Variants in GALNT14 observed in about 807,000 individuals in gnomAD.
GALNT14 encodes the protein polypeptide N-acetylgalactosaminyltransferase 14.
A neutral mutation model predicts 77.5 loss-of-function variants in GALNT14; 60 were observed. That is an observed-to-expected ratio of 0.77 (90% CI 0.63 to 0.96). The LOEUF is 0.96. GALNT14 is among the 40% of genes least tolerant of loss of function. GALNT14 has a pLI of 0.00. For synonymous variants in GALNT14, 280 were observed against 281.7 expected (o/e 0.99, Z 0.06); for missense variants, 710 against 731.0 (o/e 0.97, Z 0.33).
chr2:31,049,438 C>T (rs1673699140), intron 1 of GALNT14, among the ~76,000 whole-genome samples: 1 of 152,236 alleles, frequency 6.6e-6, no homozygotes, highest in Non-Finnish European at 1.5e-5. Flanking sequence ...GCTCCCTGGT[C>T]ACCAGGGGAC....
At chr2:31,102,831 T>C (rs1172563867) in intron 1 of GALNT14, among the ~76,000 whole-genome samples, 1 of 152,158 alleles carries the variant, frequency 6.6e-6, no homozygotes, top group African/African-American at 2.4e-5. Context: ...GTTTTTTTCA[T>C]TGTGATATGT....
chr2:30,906,756 AT>A (rs1184893638), downstream of GALNT14, among the ~76,000 whole-genome samples: 1 of 152,094 alleles, frequency 6.6e-6, no homozygotes, highest in Non-Finnish European at 1.5e-5. Flanking sequence ...CAGAATATAC[AT>A]TTTTTTCAGC....
At chr2:31,042,216 A>G (rs12621546) in intron 1 of GALNT14, among the ~76,000 whole-genome samples, 49,819 of 152,038 alleles carry the variant, frequency 0.33, 8,351 homozygotes, top group Admixed American at 0.45. Context: ...TTAAATAGTT[A>G]GCTCCCCTGG....
At chr2:30,895,956 G>A in the GALNT14 span, among the ~76,000 whole-genome samples, 2 of 152,280 alleles carry the variant, frequency 1.3e-5, no homozygotes. Flanking sequence ...CGTCAATTGG[G>A]AGGCATGGCC....
intron 1 of GALNT14, among the ~76,000 whole-genome samples, chr2:31,083,634 T>C (rs1289664449): frequency 2.0e-5 from 3 of 152,290 alleles, no homozygotes; most frequent in African/African-American, 4.8e-5. Context: ...TCAATCTATA[T>C]GCACAGTATC....
At chr2:31,104,438 C>T (rs1012929588) in intron 1 of GALNT14, among the ~76,000 whole-genome samples, 41 of 152,136 alleles carry the variant, frequency 2.7e-4, no homozygotes, top group Admixed American at 2.6e-4. Flanking sequence ...GACCCTTCTC[C>T]TATATAGTCA....
At chr2:31,010,375 A>G (rs573059426) in intron 1 of GALNT14, among the ~76,000 whole-genome samples, 1 of 152,314 alleles carries the variant, frequency 6.6e-6, no homozygotes, top group East Asian at 1.9e-4. Flanking sequence ...CAAGGCGGGC[A>G]GATCACGAGG....
intron 1 of GALNT14, among the ~76,000 whole-genome samples, chr2:31,050,323 C>G (rs4951961): frequency 1.3e-5 from 2 of 151,964 alleles, no homozygotes; most frequent in African/African-American, 4.8e-5. Context: ...GCGGCCGAGG[C>G]GGCTCCCTTC....
chr2:31,093,660 A>G (rs2365200), intron 1 of GALNT14, among the ~76,000 whole-genome samples: 91,947 of 152,152 alleles, frequency 0.6, 29,150 homozygotes, highest in African/African-American at 0.79. Flanking sequence ...CTGTTGTGAA[A>G]AATAATGAAT....
chr2:30,951,698 G>T (rs772976054), intron 6 of GALNT14, among the ~76,000 whole-genome samples: 7 of 152,138 alleles, frequency 4.6e-5, no homozygotes, highest in Admixed American at 1.3e-4. Context: ...ACACTCATAT[G>T]AAATCAGTTT....
At chr2:30,910,202 A>G (rs936511536), downstream of GALNT14, among the ~76,000 whole-genome samples, 2 of 151,842 alleles carry the variant, frequency 1.3e-5, no homozygotes, top group African/African-American at 4.8e-5. Context: ...CTAAAACTTA[A>G]AGTATAATAA....
chr2:31,028,228 C>T (rs111276119), intron 1 of GALNT14, among the ~76,000 whole-genome samples: 46 of 152,250 alleles, frequency 3.0e-4, no homozygotes, highest in African/African-American at 1.1e-3. Flanking sequence ...TGTGAGAATG[C>T]CTGGCCTCTC....
At chr2:30,989,855 C>T (rs1345755999) in intron 2 of GALNT14, among the ~76,000 whole-genome samples, 1 of 151,666 alleles carries the variant, frequency 6.6e-6, no homozygotes, top group Non-Finnish European at 1.5e-5. Flanking sequence ...TAGTCAGCAG[C>T]ACAACCAGGA....
intron 9 of GALNT14, among the ~76,000 whole-genome samples, chr2:30,936,699 T>C (rs1203347269): frequency 1.3e-5 from 2 of 152,200 alleles, no homozygotes; most frequent in Non-Finnish European, 2.9e-5. Flanking sequence ...TGAAGGGACT[T>C]GGGTAGAGAT....
At chr2:31,121,591 T>G (rs1464327211) in intron 1 of GALNT14, among the ~76,000 whole-genome samples, 3 of 152,136 alleles carry the variant, frequency 2.0e-5, no homozygotes, top group Non-Finnish European at 2.9e-5. Context: ...GGCCCACTCC[T>G]GGTTTCTATT....
chr2:31,115,465 T>G (rs757618546), intron 1 of GALNT14, among the ~76,000 whole-genome samples: 1 of 152,036 alleles, frequency 6.6e-6, no homozygotes, highest in Non-Finnish European at 1.5e-5. Context: ...ATGGGTGAGA[T>G]GAAAAGAAGA....
chr2:31,125,163 G>C, intron 1 of GALNT14: 1 of 1,549,236 alleles, frequency 6.5e-7, no homozygotes, highest in Non-Finnish European at 8.7e-7. Context: ...CCTGTAGGAA[G>C]ATGCCCTCTT....
intron 9 of GALNT14, 93 bp downstream of exon 9, chr2:30,942,108 G>A: frequency 1.2e-6 from 1 of 800,858 alleles, no homozygotes; most frequent in Non-Finnish European, 2.1e-6. Flanking sequence ...CTCTCTGACA[G>A]CTTGGTGTTG....
chr2:30,951,942 G>T lies in GALNT14; in HGVS notation c.654+3676C>A, dbSNP rs1483302922. On this transcript the variant is annotated intron_variant, in intron 6 of 14. Coordinates refer to ENST00000349752, the MANE Select transcript of GALNT14 (RefSeq NM_024572.4). ...TGGTCAGAGGCAGAGGTCCTGAGGG[G>T]TGAACAGCCTGAGGAGGGGACAGAA... Among the ~76,000 whole-genome samples, 8 of 152,302 alleles carry T rather than the reference G, an allele frequency of 5.3e-5. 1 individual carries two copies. The East Asian group carries it at 9.7e-4, about 18-fold the overall frequency.
Sources: allele counts gnomAD v4.1 joint callset (sites outside exome capture counted in the v4.1 genomes callset), GRCh38; gene constraint gnomAD v4.1.1; transcripts MANE v1.5; gene names NCBI Gene and HGNC (gene_info 2026-07-23, HGNC 2026-07-21).